Variants in SLX4IP observed in about 807,000 individuals in gnomAD.
The protein encoded by SLX4IP is SLX4 interacting protein.
A neutral mutation model predicts 32.9 loss-of-function variants in SLX4IP; 34 were observed. The ratio of observed to expected loss-of-function variants is 1.03; its 90% CI spans 0.79 to 1.38. SLX4IP has a LOEUF of 1.38. SLX4IP is among the 40% of genes most tolerant of loss of function. SLX4IP has a pLI of 0.00. For synonymous variants in SLX4IP, 172 were observed against 171.7 expected, an observed-to-expected ratio of 1.00 and a Z score of -0.01; for missense variants, 444 against 479.0, an observed-to-expected ratio of 0.93 and a Z score of 0.68.
At chr20:10,445,641 T>G (rs186368687) in intron 1 of SLX4IP, among the ~76,000 whole-genome samples, 13,890 of 149,172 alleles carry the variant, frequency 0.093, 707 homozygotes, top group East Asian at 0.14. Flanking sequence ...TTTTTTTTTT[T>G]TGAGATGGAG....
At chr20:10,442,073 TAGAA>T (rs1293068210) in intron 1 of SLX4IP, among the ~76,000 whole-genome samples, 1 of 152,218 alleles carries the variant, frequency 6.6e-6, no homozygotes, top group Admixed American at 6.5e-5. Flanking sequence ...TTTAAGATGA[TAGAA>T]AGAAGCATAA....
chr20:10,548,485 C>T (rs1426869464), intron 2 of SLX4IP, among the ~76,000 whole-genome samples: 4 of 152,134 alleles, frequency 2.6e-5, no homozygotes, highest in Admixed American at 6.5e-5. Flanking sequence ...GTGATCCTCC[C>T]GCCTTGGCCT....
At chr20:10,606,329 A>G (rs967695434) in intron 6 of SLX4IP, among the ~76,000 whole-genome samples, 1 of 152,344 alleles carries the variant, frequency 6.6e-6, no homozygotes, top group African/African-American at 2.4e-5. Context: ...TTGTACCCTC[A>G]TGACAGAATC....
intron 2 of SLX4IP, among the ~76,000 whole-genome samples, chr20:10,532,006 T>G (rs1433890309): frequency 6.6e-6 from 1 of 152,208 alleles, no homozygotes; most frequent in East Asian, 1.9e-4. Context: ...AGCGTAAGTT[T>G]CTGACATCAC....
At chr20:10,570,530 T>A (rs1431670160) in intron 4 of SLX4IP, among the ~76,000 whole-genome samples, 1 of 152,020 alleles carries the variant, frequency 6.6e-6, no homozygotes, top group East Asian at 1.9e-4. Context: ...ACACTCTTTT[T>A]TTTTTTTCTT....
At chr20:10,470,258 G>T (rs192461711) in intron 2 of SLX4IP, among the ~76,000 whole-genome samples, 20 of 152,320 alleles carry the variant, frequency 1.3e-4, no homozygotes, top group Admixed American at 3.3e-4. Flanking sequence ...ATGCTTGGTT[G>T]AGAAAGTGAG....
chr20:10,450,483 T>TAA (rs1177599716), intron 1 of SLX4IP, among the ~76,000 whole-genome samples: 50 of 152,232 alleles, frequency 3.3e-4, no homozygotes, highest in Admixed American at 3.0e-3. Flanking sequence ...TTTTTCCACT[T>TAA]ACACTTGCGT....
At chr20:10,520,553 C>G (rs60151283) in intron 2 of SLX4IP, among the ~76,000 whole-genome samples, 5,058 of 152,028 alleles carry the variant, frequency 0.033, 268 homozygotes, top group African/African-American at 0.11. Flanking sequence ...CTTTTTGTCA[C>G]TTGTTTTTGT....
chr20:10,521,786 A>G (rs928299031), intron 2 of SLX4IP, among the ~76,000 whole-genome samples: 23 of 152,232 alleles, frequency 1.5e-4, no homozygotes, highest in Admixed American at 1.2e-3. Flanking sequence ...TTTTACATAC[A>G]ATTCTAAAGT....
Position 10,598,672 on chromosome 20 carries a change from C to T in SLX4IP, c.239-3C>T. On this transcript the variant is annotated splice_region_variant and splice_polypyrimidine_tract_variant and intron_variant, in intron 4 of 7. Coordinates refer to ENST00000334534, the MANE Select transcript of SLX4IP (RefSeq NM_001009608.3). ...CTTAGTGATGTTCCCTTTCACTTTC[C>T]AGGTTATGGCTTTCAAATCACAGCC... The T allele has an allele frequency of 6.2e-7, 1 of 1,614,044 alleles. No individual in the cohort carries two copies. The highest frequency in any genetic ancestry group is 8.5e-7 in the Non-Finnish European group (1 of 1,179,914).
chr20:10,556,165 A>AT, intron 2 of SLX4IP, 66 bp from the exon 3 acceptor site: 1 of 1,460,048 alleles, frequency 6.8e-7, no homozygotes, highest in Non-Finnish European at 9.4e-7. Flanking sequence ...AATTTGTGAG[A>AT]TTTTCTCTCA....
At position 10,622,945 on chromosome 20, in the gene SLX4IP, A is replaced by G; in HGVS notation, c.793A>G (p.Thr265Ala). Reference protein sequence around the residue: ...QKPHPGERLKTGLLSRSPVCS... With the variant: ...QKPHPGERLKAGLLSRSPVCS... Reference sequence around the variant, plus strand: ...ACCTCATCCTGGGGAGCGGTTAAAGACAGGGCTTCTAAGCAGGAGCCCCGT... The same window carrying G: ...ACCTCATCCTGGGGAGCGGTTAAAGGCAGGGCTTCTAAGCAGGAGCCCCGT... The change falls in exon 8 of 8, where the codon ACA (threonine) becomes GCA (alanine). Residue 265 changes from threonine to alanine, a missense_variant. Coordinates refer to ENST00000334534, the MANE Select transcript of SLX4IP (RefSeq NM_001009608.3). The G allele has an allele frequency of 6.2e-7, 1 of 1,614,174 alleles. No homozygotes were observed. Among genetic ancestry groups the G allele is most frequent in the South Asian group, 1.1e-5 (1 of 91,088 alleles).
intron 6 of SLX4IP, chr20:10,613,688 G>A: frequency 6.2e-7 from 1 of 1,613,580 alleles, no homozygotes; most frequent in Non-Finnish European, 8.5e-7. Flanking sequence ...CTTTGACAAA[G>A]GCGTTATAGG....
At chr20:10,601,951 G>A in intron 6 of SLX4IP, 132 bp downstream of exon 6, 1 of 725,086 alleles carries the variant, frequency 1.4e-6, no homozygotes, top group Non-Finnish European at 2.3e-6. Context: ...AAGGGAACAA[G>A]AAGCCCTACC....
At chr20:10,472,863 G>GT (rs558201748) in intron 2 of SLX4IP, among the ~76,000 whole-genome samples, 2 of 151,978 alleles carry the variant, frequency 1.3e-5, no homozygotes, top group South Asian at 2.1e-4. Flanking sequence ...ATTCATTGAG[G>GT]TTTTTTTGTT....
At chr20:10,452,440 C>T (rs1313194134) in intron 1 of SLX4IP, among the ~76,000 whole-genome samples, 1 of 151,778 alleles carries the variant, frequency 6.6e-6, no homozygotes, top group African/African-American at 2.4e-5. Flanking sequence ...CCGAGGTGGG[C>T]GGATCACCTG....
chr20:10,465,783 G>A (rs1234494519), intron 2 of SLX4IP, among the ~76,000 whole-genome samples: 1 of 152,254 alleles, frequency 6.6e-6, no homozygotes, highest in Admixed American at 6.5e-5. Flanking sequence ...TGGGATTATA[G>A]GCGTGAGCCA....
chr20:10,453,736 T>TA, intron 1 of SLX4IP, among the ~76,000 whole-genome samples: 1 of 151,494 alleles, frequency 6.6e-6, no homozygotes, highest in South Asian at 2.1e-4. Flanking sequence ...CCAACGCACT[T>TA]AAAAAAAATT....
chr20:10,606,520 T>C (rs1201983440), intron 6 of SLX4IP, among the ~76,000 whole-genome samples: 1 of 152,236 alleles, frequency 6.6e-6, no homozygotes, highest in East Asian at 1.9e-4. Flanking sequence ...GTGGAAGATA[T>C]TAACAAGAGA....
Sources: gnomAD v4.1 joint callset for allele counts (sites outside exome capture counted in the v4.1 genomes callset) on GRCh38, gnomAD v4.1.1 for gene constraint, MANE v1.5 for transcripts, NCBI Gene and HGNC (gene_info 2026-07-23, HGNC 2026-07-21) for gene names.